Variants in GPHN observed in about 807,000 individuals in gnomAD.
The protein encoded by GPHN is gephyrin.
A neutral mutation model predicts 95.5 loss-of-function variants in GPHN; 17 were observed. The ratio of observed to expected loss-of-function variants is 0.18; its 90% confidence interval spans 0.12 to 0.27. The LOEUF is 0.27. Among genes scored for constraint, GPHN ranks in the 10% least tolerant of loss-of-function variants. The probability of loss-of-function intolerance (pLI) is 1.00; values close to 1 mark genes in which losing one functional copy is unlikely to be tolerated. For synonymous variants in GPHN, 320 were observed against 322.5 expected (o/e 0.99, Z 0.08); for missense variants, 660 against 978.1 (o/e 0.67, Z 4.34).
chr14:67,289,768 C>CTTTTTTTTTTTTTTT, the GPHN span, among the ~76,000 whole-genome samples: 2 of 95,508 alleles, frequency 2.1e-5, 1 homozygote, highest in African/African-American at 8.3e-5. Context: ...TTTTCCATGT[C>CTTTTTTTTTTTTTTT]CTTTTTTTTT....
chr14:67,065,753 C>T (rs2076027154), intron 11 of GPHN, among the ~76,000 whole-genome samples: 1 of 140,514 alleles, frequency 7.1e-6, no homozygotes. Context: ...GATGGCAACC[C>T]CTGCTTTTTT....
chr14:66,876,939 C>CA (rs1328867372), intron 4 of GPHN, among the ~76,000 whole-genome samples: 1 of 151,724 alleles, frequency 6.6e-6, no homozygotes, highest in Non-Finnish European at 1.5e-5. Context: ...AGAGACACAA[C>CA]AAAAAAAATT....
At chr14:67,510,025 A>G in the GPHN span, among the ~76,000 whole-genome samples, 4 of 84,602 alleles carry the variant, frequency 4.7e-5, no homozygotes, top group African/African-American at 1.2e-4. Context: ...AAATTTTTTT[A>G]TTAAAAAAAA....
chr14:67,275,322 A>G, the GPHN span, among the ~76,000 whole-genome samples: 1 of 152,222 alleles, frequency 6.6e-6, no homozygotes, highest in South Asian at 2.1e-4. Flanking sequence ...GAGAGTTTTT[A>G]GCATGAAGGG....
At chr14:67,336,712 A>AGAT in the GPHN span, 1 of 455,944 alleles carries the variant, frequency 2.2e-6, no homozygotes, top group Non-Finnish European at 4.4e-6. Context: ...TGCAAAGTGG[A>AGAT]GATGGTAGAA....
the GPHN span, chr14:67,678,147 A>G: frequency 2.2e-5 from 12 of 557,984 alleles, no homozygotes; most frequent in African/African-American, 2.1e-4. Context: ...CATGACAGAC[A>G]TTTAGACGAA....
At chr14:67,318,782 G>T in the GPHN span, among the ~76,000 whole-genome samples, 1 of 152,174 alleles carries the variant, frequency 6.6e-6, no homozygotes, top group Non-Finnish European at 1.5e-5. Context: ...ATTAGGCCGG[G>T]CGCGGTGGGT....
chr14:67,061,870 T>A (rs2075837799), intron 11 of GPHN, among the ~76,000 whole-genome samples: 1 of 152,152 alleles, frequency 6.6e-6, no homozygotes, highest in Non-Finnish European at 1.5e-5. Flanking sequence ...ACATATTAAC[T>A]ACTGCCTAAC....
At chr14:67,384,612 A>C in the GPHN span, 3 of 152,194 alleles carry the variant, frequency 2.0e-5, no homozygotes, top group African/African-American at 7.2e-5. Context: ...GACCTAACCC[A>C]CCATAGTCAA....
At chr14:67,332,672 GAAGGA>G in the GPHN span, 1 of 1,062,966 alleles carries the variant, frequency 9.4e-7, no homozygotes, top group Non-Finnish European at 1.3e-6. Context: ...GGGAGAGACA[GAAGGA>G]AAGCTATGAA....
At chr14:67,653,482 T>G in the GPHN span, 1 of 1,614,052 alleles carries the variant, frequency 6.2e-7, no homozygotes, top group Non-Finnish European at 8.5e-7. Flanking sequence ...GCTCAAGTTT[T>G]CACTTGTGTT....
intron 2 of GPHN, among the ~76,000 whole-genome samples, chr14:66,735,797 G>A (rs2072209292): frequency 6.6e-6 from 1 of 152,084 alleles, no homozygotes; most frequent in African/African-American, 2.4e-5. Context: ...AGAAATTTAT[G>A]TTTATGATAA....
chr14:67,113,985 T>A (rs1040048393), intron 16 of GPHN, among the ~76,000 whole-genome samples: 31 of 152,240 alleles, frequency 2.0e-4, no homozygotes, highest in Admixed American at 1.3e-3. Context: ...CGGGATTTTT[T>A]AAAAATCTCT....
chr14:67,598,732 CAG>C, the GPHN span, among the ~76,000 whole-genome samples: 3 of 103,744 alleles, frequency 2.9e-5, no homozygotes, highest in African/African-American at 3.4e-5. Flanking sequence ...TTTTTTGAGA[CAG>C]AGTCTCCCTC....
At chr14:66,608,852 T>G (rs1201833899) in intron 1 of GPHN, among the ~76,000 whole-genome samples, 3 of 152,164 alleles carry the variant, frequency 2.0e-5, no homozygotes, top group Non-Finnish European at 4.4e-5. Flanking sequence ...TCTTTTTCCC[T>G]TTAATTTTGA....
At chr14:66,706,549 A>G (rs2069096464) in intron 2 of GPHN, among the ~76,000 whole-genome samples, 1 of 152,218 alleles carries the variant, frequency 6.6e-6, no homozygotes, top group Admixed American at 6.5e-5. Context: ...GCTGAAAAAA[A>G]CAAGCAATGG....
At chr14:67,378,124 TAA>T in the GPHN span, among the ~76,000 whole-genome samples, 31 of 134,146 alleles carry the variant, frequency 2.3e-4, no homozygotes, top group Non-Finnish European at 2.6e-4. Flanking sequence ...CCTTGTCTCT[TAA>T]AAAAAAAAAA....
chr14:67,506,070 G>A, the GPHN span, among the ~76,000 whole-genome samples: 1 of 152,206 alleles, frequency 6.6e-6, no homozygotes, highest in Non-Finnish European at 1.5e-5. Flanking sequence ...AGAGTTCTCT[G>A]AGAATCCGAT....
Position 66,961,981 on chromosome 14 carries a change from A to G in GPHN, c.829-3210A>G, listed in dbSNP as rs183237360. On this transcript the variant is annotated intron_variant, in intron 8 of 22. Transcript: ENST00000478722. ...CTCCCAGAAATTTACTCACATGGGT[A>G]TCATAACACCCATGGGTTCACAGTG... is the stretch of plus-strand genomic sequence containing the variant. Among the ~76,000 whole-genome samples the G allele has an allele frequency of 3.1e-4, 43 of 136,648 alleles. 2 individuals are homozygous for G. The East Asian group carries it at 5.0e-3, about 16-fold the overall frequency. 89.6% of individuals were successfully genotyped at this position (136,648 alleles called of 152,430 possible). A position where few individuals can be genotyped will look rare whatever the true frequency, so the allele number is the denominator to read the frequency against.
Sources: allele counts gnomAD v4.1 joint callset (sites outside exome capture counted in the v4.1 genomes callset), GRCh38; gene constraint gnomAD v4.1.1; transcripts MANE v1.5; gene names NCBI Gene and HGNC (gene_info 2026-07-23, HGNC 2026-07-21).